The following PPM1H variants were observed in gnomAD, a reference collection of about 807,000 sequenced individuals.
PPM1H encodes protein phosphatase 1H.
PPM1H carries 27 observed loss-of-function variants against 54.9 expected under a neutral mutation model. That is an observed-to-expected ratio of 0.49 (90% CI 0.36 to 0.68). The LOEUF (loss-of-function observed/expected upper bound fraction) is 0.68. Among genes scored for constraint, PPM1H ranks in the 30% least tolerant of loss-of-function variants. PPM1H has a pLI of 0.00. For synonymous variants in PPM1H, 305 were observed against 270.8 expected (o/e 1.13, Z -1.24); for missense variants, 596 against 667.8 (o/e 0.89, Z 1.19).
intron 1 of PPM1H, among the ~76,000 whole-genome samples, chr12:62,894,171 A>G (rs1257367528): frequency 1.3e-5 from 2 of 152,202 alleles, no homozygotes; most frequent in African/African-American, 4.8e-5. Flanking sequence ...GATCAAATAA[A>G]TGGTTGTGTT....
At chr12:62,832,020 T>C in intron 2 of PPM1H, 94 bp downstream of exon 2, 1 of 1,425,608 alleles carries the variant, frequency 7.0e-7, no homozygotes, top group Non-Finnish European at 9.6e-7. Context: ...CTCACTTCCA[T>C]TCCAGATTTA....
chr12:62,690,722 A>AC (rs2076078112), intron 7 of PPM1H, among the ~76,000 whole-genome samples: 1 of 152,230 alleles, frequency 6.6e-6, no homozygotes, highest in Non-Finnish European at 1.5e-5. Flanking sequence ...CTGTAATCCC[A>AC]GCACTTTGGG....
chr12:62,730,625 A>G (rs1305394654), intron 5 of PPM1H, among the ~76,000 whole-genome samples: 1 of 152,228 alleles, frequency 6.6e-6, no homozygotes, highest in Non-Finnish European at 1.5e-5. Context: ...AGTAATCAAA[A>G]TACGAATTTT....
intron 1 of PPM1H, among the ~76,000 whole-genome samples, chr12:62,864,741 A>G (rs1281118453): frequency 6.6e-6 from 1 of 152,226 alleles, no homozygotes; most frequent in Non-Finnish European, 1.5e-5. Flanking sequence ...AGTGGAACAG[A>G]TTCACACACA....
In PPM1H at chr12:62,921,578, TCA is replaced by T. The variant is rs574618512; in HGVS notation, c.245+12912_245+12913del. On this transcript the variant is annotated intron_variant, in intron 1 of 9. Coordinates refer to ENST00000228705, the MANE Select transcript of PPM1H (RefSeq NM_020700.2). ...GGTATAAATGCTACACTGAATGCTG[TCA>T]CACTTTTTGGCCCCAAAGTTCACTA... 2.4e-4 allele frequency among the ~76,000 whole-genome samples: 36 copies of T among 152,338 alleles called. No homozygotes were observed. The South Asian group carries it at 6.2e-3, about 26-fold the overall frequency.
chr12:62,871,439 TA>T (rs910726556), intron 1 of PPM1H, among the ~76,000 whole-genome samples: 29 of 151,588 alleles, frequency 1.9e-4, no homozygotes, highest in African/African-American at 6.8e-4. Flanking sequence ...TTTGGGGTGA[TA>T]AAAAGTTCTA....
chr12:62,869,782 T>C (rs1869915661), intron 1 of PPM1H, among the ~76,000 whole-genome samples: 1 of 152,112 alleles, frequency 6.6e-6, no homozygotes, highest in Non-Finnish European at 1.5e-5. Flanking sequence ...TTCCTCTGAG[T>C]CTACTCTCTG....
At chr12:62,877,756 A>G (rs1303660478) in intron 1 of PPM1H, among the ~76,000 whole-genome samples, 1 of 152,176 alleles carries the variant, frequency 6.6e-6, no homozygotes, top group Non-Finnish European at 1.5e-5. Flanking sequence ...TTGCTGAGTG[A>G]AACCAGGAGA....
At chr12:62,806,551 G>A (rs2076806689) in intron 2 of PPM1H, among the ~76,000 whole-genome samples, 1 of 152,262 alleles carries the variant, frequency 6.6e-6, no homozygotes, top group East Asian at 1.9e-4. Context: ...CCTGGTGGGA[G>A]GTGACTGCAT....
chr12:62,644,176 G>A lies in PPM1H; in HGVS notation c.*4313C>T, dbSNP rs767218970. 1 of 152,138 alleles carries A rather than the reference G, an allele frequency of 6.6e-6. No individual in the cohort carries two copies. Among genetic ancestry groups the A allele is most frequent in the Non-Finnish European group, 1.5e-5 (1 of 68,020 alleles). 9.4% of individuals were successfully genotyped at this position (152,138 alleles called of 1,614,324 possible). ...ATGTTTCACAATCACAAAGCATAAA[G>A]GTACATGGTTCTGAAACAATTTCCA... is the stretch of plus-strand genomic sequence containing the variant. On this transcript the variant is annotated 3_prime_UTR_variant, in exon 10 of 10. Transcript: ENST00000228705.
chr12:62,899,551 A>G (rs1043023945), intron 1 of PPM1H, among the ~76,000 whole-genome samples: 1 of 152,226 alleles, frequency 6.6e-6, no homozygotes, highest in African/African-American at 2.4e-5. Flanking sequence ...GCACTTTGAC[A>G]TTTTAAAATA....
At chr12:62,705,260 T>A (rs1376944618) in intron 6 of PPM1H, among the ~76,000 whole-genome samples, 1 of 152,236 alleles carries the variant, frequency 6.6e-6, no homozygotes, top group Non-Finnish European at 1.5e-5. Flanking sequence ...AATGGGTCCC[T>A]ACCCACAGCT....
rs545873877 is a variant in PPM1H, at chr12:62,703,313, C to A, written c.1074-9314G>T. Among the ~76,000 whole-genome samples, 20 of 152,114 alleles carry A rather than the reference C, an allele frequency of 1.3e-4. 1 individual carries two copies. In the South Asian group the frequency reaches 2.5e-3, roughly 19 times the overall value. On this transcript the variant is annotated intron_variant, in intron 6 of 9. Transcript: ENST00000228705. ...GAGGACTCAGATACTCAGAAGGATG[C>A]CTCAGAGATAATAATCTAAAGAAGG...
intron 9 of PPM1H, among the ~76,000 whole-genome samples, chr12:62,665,524 A>T (rs960599186): frequency 1.3e-5 from 2 of 152,070 alleles, no homozygotes; most frequent in African/African-American, 4.8e-5. Context: ...CTCATTTCAC[A>T]TTGTCTTTTC....
chr12:62,790,439 G>A (rs2076695865), intron 3 of PPM1H, among the ~76,000 whole-genome samples: 1 of 152,136 alleles, frequency 6.6e-6, no homozygotes, highest in African/African-American at 2.4e-5. Context: ...GGGTGTGGTG[G>A]CACATGCCTG....
At chr12:62,926,044 C>G (rs1260506623) in intron 1 of PPM1H, among the ~76,000 whole-genome samples, 3 of 152,162 alleles carry the variant, frequency 2.0e-5, no homozygotes, top group Non-Finnish European at 4.4e-5. Context: ...AGGGGTGGGT[C>G]CTGGCAGCCA....
intron 4 of PPM1H, among the ~76,000 whole-genome samples, chr12:62,760,828 A>G (rs1488333906): frequency 6.6e-6 from 1 of 152,240 alleles, no homozygotes; most frequent in Non-Finnish European, 1.5e-5. Context: ...TAAATGGCCA[A>G]ATGACCTAGA....
intron 4 of PPM1H, among the ~76,000 whole-genome samples, chr12:62,764,139 AGACAATTGCCAGG>A (rs1434837956): frequency 4.6e-5 from 7 of 152,178 alleles, no homozygotes; most frequent in Non-Finnish European, 1.0e-4. Flanking sequence ...ATTTCCGTCC[AGACAATTGCCAGG>A]GACAAAAATA....
At position 62,667,166 on chromosome 12, in the gene PPM1H, A is replaced by G. The variant is rs1205012679; in HGVS notation, c.1397+12T>C. The G allele has an allele frequency of 6.4e-7, 1 of 1,559,864 alleles. No individual in the cohort carries two copies. Among genetic ancestry groups the G allele is most frequent in the Non-Finnish European group, 8.8e-7 (1 of 1,138,892 alleles). On this transcript the variant is annotated intron_variant, in intron 9 of 9. Coordinates refer to ENST00000228705, the MANE Select transcript of PPM1H (RefSeq NM_020700.2). ...TTGAGGAACAACCCTACAATTGTAGAAATGCACAAACCTGTGAGGATCATC... is the reference window on the plus strand; with the variant it reads ...TTGAGGAACAACCCTACAATTGTAGGAATGCACAAACCTGTGAGGATCATC...
Sources: gnomAD v4.1 joint callset for allele counts (sites outside exome capture counted in the v4.1 genomes callset) on GRCh38, gnomAD v4.1.1 for gene constraint, MANE v1.5 for transcripts, NCBI Gene and HGNC (gene_info 2026-07-23, HGNC 2026-07-21) for gene names.